PTAR1: variants seen among roughly 807,000 people sequenced by gnomAD.
PTAR1 encodes protein prenyltransferase alpha subunit repeat containing 1, also known as protein prenyltransferase alpha subunit repeat-containing protein 1.
A neutral mutation model predicts 45.5 loss-of-function variants in PTAR1; 17 were observed. That is an observed-to-expected ratio of 0.37 (90% confidence interval 0.26 to 0.56). The LOEUF (loss-of-function observed/expected upper bound fraction) is 0.56. PTAR1 is among the 20% of genes least tolerant of loss of function. PTAR1 has a pLI of 0.77. For missense variants in PTAR1, 391 were observed against 476.3 expected, an observed-to-expected ratio of 0.82 and a Z score of 1.67; for synonymous variants, 169 against 171.3, an observed-to-expected ratio of 0.99 and a Z score of 0.11.
chr9:69,758,340 C>T (rs1826890308), intron 1 of PTAR1: 1 of 151,606 alleles, frequency 6.6e-6, no homozygotes, highest in Non-Finnish European at 1.5e-5. Flanking sequence ...TAGAAAAATA[C>T]CAGTGATGAG....
Position 69,734,971 on chromosome 9 carries a change from G to A in PTAR1, c.324-717C>T, listed in dbSNP as rs552208970. 3.9e-5 allele frequency among the ~76,000 whole-genome samples: 6 copies of A among 152,126 alleles called. No homozygotes were observed. In the East Asian group the frequency reaches 5.8e-4, roughly 15 times the overall value. Reference sequence around the variant, plus strand: ...CCTTCTTGTTAGACATTTAGGTTGCGTCAAACTTTTTGTTATTTTAAAACA... The same window carrying A: ...CCTTCTTGTTAGACATTTAGGTTGCATCAAACTTTTTGTTATTTTAAAACA... On this transcript the variant is annotated intron_variant, in intron 3 of 7. Coordinates refer to ENST00000340434, the MANE Select transcript of PTAR1 (RefSeq NM_001099666.2).
chr9:69,735,622 AGTT>A (rs1825753349), intron 3 of PTAR1, among the ~76,000 whole-genome samples: 1 of 152,130 alleles, frequency 6.6e-6, no homozygotes, highest in Admixed American at 6.6e-5. Flanking sequence ...TTCTCAGGTA[AGTT>A]TTTGATAAGT....
chr9:69,722,462 C>A (rs1326254892), intron 6 of PTAR1, among the ~76,000 whole-genome samples: 1 of 152,134 alleles, frequency 6.6e-6, no homozygotes, highest in African/African-American at 2.4e-5. Context: ...ACCAGACTTT[C>A]CCCTCTCTCA....
At chr9:69,751,675 T>C (rs1006098836) in intron 1 of PTAR1, among the ~76,000 whole-genome samples, 1 of 152,102 alleles carries the variant, frequency 6.6e-6, no homozygotes, top group Non-Finnish European at 1.5e-5. Flanking sequence ...TGCTAATAAA[T>C]GCATGTGGAC....
chr9:69,751,616 T>C (rs1826537744), intron 1 of PTAR1, among the ~76,000 whole-genome samples: 1 of 152,042 alleles, frequency 6.6e-6, no homozygotes, highest in Admixed American at 6.6e-5. Flanking sequence ...ATCTAATAAT[T>C]GTATGTATTT....
At chr9:69,734,382 GAA>G (rs747590537) in intron 3 of PTAR1, 128 bp from the exon 4 acceptor site, 118 of 391,650 alleles carry the variant, frequency 3.0e-4, no homozygotes, top group Non-Finnish European at 4.6e-4. Context: ...AACAAAAAAA[GAA>G]AGAAAAAAAG....
At chr9:69,756,721 T>C (rs1826794771) in intron 1 of PTAR1, among the ~76,000 whole-genome samples, 1 of 152,112 alleles carries the variant, frequency 6.6e-6, no homozygotes, top group South Asian at 2.1e-4. Context: ...ATCCGAGACA[T>C]AACCAGCCTC....
At chr9:69,759,684 G>A (rs1054790557) in intron 1 of PTAR1, among the ~76,000 whole-genome samples, 169 bp downstream of exon 1, 1 of 152,080 alleles carries the variant, frequency 6.6e-6, no homozygotes, top group African/African-American at 2.4e-5. Context: ...GGAAAGCCGG[G>A]CCAGCGGCGG....
chr9:69,750,576 G>A (rs1237968677), intron 2 of PTAR1, among the ~76,000 whole-genome samples: 1 of 150,430 alleles, frequency 6.6e-6, no homozygotes, highest in Non-Finnish European at 1.5e-5. Flanking sequence ...TCTGCTTGAG[G>A]GCTTCTATAT....
intron 5 of PTAR1, among the ~76,000 whole-genome samples, chr9:69,726,286 T>C (rs1825275525): frequency 6.6e-6 from 1 of 152,150 alleles, no homozygotes; most frequent in Admixed American, 6.5e-5. Context: ...AAATCTGGGA[T>C]ATTCTTTTGT....
intron 2 of PTAR1, among the ~76,000 whole-genome samples, chr9:69,742,899 C>T (rs1490465230): frequency 6.6e-6 from 1 of 152,048 alleles, no homozygotes; most frequent in Non-Finnish European, 1.5e-5. Flanking sequence ...CCTATACATT[C>T]AAATAAGCAC....
At chr9:69,721,277 C>G (rs1258185468) in intron 6 of PTAR1, among the ~76,000 whole-genome samples, 4 of 152,064 alleles carry the variant, frequency 2.6e-5, no homozygotes, top group Admixed American at 2.6e-4. Context: ...TAAGTCACGG[C>G]AAATGTGGTG....
chr9:69,750,512 A>G (rs1015825014), intron 2 of PTAR1, among the ~76,000 whole-genome samples: 3 of 151,904 alleles, frequency 2.0e-5, no homozygotes, highest in African/African-American at 7.2e-5. Flanking sequence ...AATGACCCCA[A>G]TACATAAACT....
chr9:69,749,202 T>G (rs1300031702), intron 2 of PTAR1, among the ~76,000 whole-genome samples: 1 of 152,056 alleles, frequency 6.6e-6, no homozygotes, highest in Non-Finnish European at 1.5e-5. Flanking sequence ...ACAGAAAGGG[T>G]AGGTTGAGCT....
At chr9:69,745,224 T>C (rs139586902) in intron 2 of PTAR1, among the ~76,000 whole-genome samples, 1 of 152,204 alleles carries the variant, frequency 6.6e-6, no homozygotes, top group Admixed American at 6.5e-5. Context: ...CTGTCTAAAT[T>C]TCCAAACTTG....
chr9:69,729,630 G>A (rs1392619650), intron 5 of PTAR1, among the ~76,000 whole-genome samples: 1 of 152,132 alleles, frequency 6.6e-6, no homozygotes, highest in Non-Finnish European at 1.5e-5. Context: ...TCAGTGAGAT[G>A]GGAATTATTG....
At chr9:69,753,507 T>TAC (rs1327231931) in intron 1 of PTAR1, among the ~76,000 whole-genome samples, 5 of 152,120 alleles carry the variant, frequency 3.3e-5, no homozygotes, top group African/African-American at 1.2e-4. Context: ...AATAGATATA[T>TAC]ACACACACAC....
intron 2 of PTAR1, among the ~76,000 whole-genome samples, chr9:69,743,560 C>T (rs1197013663): frequency 6.6e-6 from 1 of 152,154 alleles, no homozygotes; most frequent in Non-Finnish European, 1.5e-5. Flanking sequence ...GATCAGTACA[C>T]ATTTATTTTG....
At chr9:69,741,028 T>C (rs911272559) in intron 3 of PTAR1, among the ~76,000 whole-genome samples, 6 of 152,196 alleles carry the variant, frequency 3.9e-5, no homozygotes, top group African/African-American at 7.2e-5. Context: ...AAGGGCTCAA[T>C]AGCCACATGT....
Sources: gnomAD v4.1 joint callset for allele counts (sites outside exome capture counted in the v4.1 genomes callset) on GRCh38, gnomAD v4.1.1 for gene constraint, MANE v1.5 for transcripts, NCBI Gene and HGNC (gene_info 2026-07-23, HGNC 2026-07-21) for gene names.